Variants in RRM2 observed in about 807,000 individuals in gnomAD.
RRM2 encodes ribonucleotide reductase regulatory subunit M2, also known as ribonucleoside-diphosphate reductase subunit M2.
Under a neutral mutation model 45.9 loss-of-function variants are expected in RRM2, and 6 were observed. The observed-to-expected ratio is 0.13, with a 90% CI of 0.07 to 0.26. The LOEUF is 0.26. Among genes scored for constraint, RRM2 ranks in the 10% least tolerant of loss-of-function variants. RRM2 has a pLI of 1.00. For synonymous variants in RRM2, 177 were observed against 173.0 expected, an observed-to-expected ratio of 1.02 and a Z score of -0.18; for missense variants, 343 against 489.5, an observed-to-expected ratio of 0.70 and a Z score of 2.82.
At chr2:10,176,559 T>C (rs1256417003) in intron 3 of RRM2, among the ~76,000 whole-genome samples, 3 of 152,230 alleles carry the variant, frequency 2.0e-5, no homozygotes, top group Non-Finnish European at 4.4e-5. Flanking sequence ...TGAGCCATCG[T>C]CTACTTCTAA....
chr2:10,170,186 C>T (rs1206748874), intron 3 of RRM2, among the ~76,000 whole-genome samples: 2 of 152,128 alleles, frequency 1.3e-5, no homozygotes, highest in African/African-American at 4.8e-5. Context: ...CCTCTACCTT[C>T]CAGGATGACC....
rs1013694403 is a variant in RRM2, at chr2:10,169,797, G to T, written n.482+27422G>T. Among the ~76,000 whole-genome samples the T allele has an allele frequency of 2.0e-5, 3 of 152,196 alleles. No homozygotes were observed. In the East Asian group the frequency reaches 5.8e-4, roughly 29 times the overall value. ...GGAGCAGGAGGCTGAGGCCAGGGGG[G>T]ATGGCAGCCCCCGGGGATCTGAGGA... On this transcript the variant is annotated intron_variant and non_coding_transcript_variant, in intron 3 of 3. Coordinates refer to the RRM2 transcript ENST00000381786. This position sits in a 1 kb window ranked among gnomAD's most constrained non-coding sequence, Gnocchi z 5.1.
At chr2:10,147,275 G>GT (rs891663329) in intron 3 of RRM2, among the ~76,000 whole-genome samples, 16 of 151,140 alleles carry the variant, frequency 1.1e-4, no homozygotes, top group South Asian at 4.2e-4. Flanking sequence ...AAAGATAAGG[G>GT]TTTTTTTTTG....
At position 10,204,228 on chromosome 2, in the gene RRM2, G is replaced by A. The variant is rs1664624454; in HGVS notation, n.483-6083G>A. Among the ~76,000 whole-genome samples the A allele has an allele frequency of 6.6e-6, 1 of 152,098 alleles. No homozygotes were observed. The highest frequency in any genetic ancestry group is 2.1e-4 in the South Asian group (1 of 4,830). ...GTCCAACAGCAGAGCCCAACCTCCA[G>A]GGCAGACTGACCCGTGATGGGCATG... On this transcript the variant is annotated intron_variant and non_coding_transcript_variant, in intron 3 of 3. Transcript: ENST00000381786. The surrounding 1 kb of genome is among the most constrained non-coding windows in gnomAD (Gnocchi z 4.0).
chr2:10,210,491 C>T (rs370763653), exon 4 of RRM2: 1 of 1,367,838 alleles, frequency 7.3e-7, no homozygotes. Flanking sequence ...ACCAAGAATG[C>T]ACAGAGGGCG....
At position 10,205,056 on chromosome 2, in the gene RRM2, T is replaced by A. The variant is rs1293198974; in HGVS notation, n.483-5255T>A. 6.6e-6 allele frequency among the ~76,000 whole-genome samples: 1 copy of A among 152,216 alleles called. No homozygotes were observed. The highest frequency in any genetic ancestry group is 1.5e-5 in the Non-Finnish European group (1 of 68,040). ...GTGGTCTGCTTCGAATCCAGCAAAC[T>A]TTTGTTTTCAGTGCCCAGCTCCCTA... On this transcript the variant is annotated intron_variant and non_coding_transcript_variant, in intron 3 of 3. Transcript: ENST00000381786. The surrounding 1 kb of genome is among the most constrained non-coding windows in gnomAD (Gnocchi z 4.8).
chr2:10,126,765 T>C, intron 5 of RRM2, 110 bp from the exon 6 acceptor site: 1 of 759,758 alleles, frequency 1.3e-6, no homozygotes, highest in South Asian at 1.8e-5. Flanking sequence ...AGGAAGAGGA[T>C]TGGCAAATAC....
At chr2:10,141,788 G>A in intron 1 of RRM2, 1 of 1,546,298 alleles carries the variant, frequency 6.5e-7, no homozygotes, top group South Asian at 1.2e-5. Context: ...CTGGGGCTGG[G>A]GCTGGGGCTG....
chr2:10,181,678 T>C (rs1007338395), intron 3 of RRM2, among the ~76,000 whole-genome samples: 3 of 151,888 alleles, frequency 2.0e-5, no homozygotes, highest in African/African-American at 7.2e-5. Context: ...ATTGAAAATA[T>C]TTTCCGATTT....
chr2:10,142,594 C>T (rs749472796), intron 3 of RRM2, among the ~76,000 whole-genome samples: 2 of 152,022 alleles, frequency 1.3e-5, no homozygotes, highest in Admixed American at 6.5e-5. Flanking sequence ...CCAGACAGCA[C>T]GGTCCTGCGA....
intron 3 of RRM2, among the ~76,000 whole-genome samples, chr2:10,149,260 C>G (rs937971772): frequency 1.3e-5 from 2 of 152,124 alleles, no homozygotes; most frequent in African/African-American, 4.8e-5. Context: ...TCCCAGGTAG[C>G]TGGGATTACA....
chr2:10,156,731 T>C (rs1663433734), intron 3 of RRM2, among the ~76,000 whole-genome samples: 1 of 152,228 alleles, frequency 6.6e-6, no homozygotes, highest in African/African-American at 2.4e-5. Context: ...TTCCGCCTCC[T>C]GGGCTCAAGC....
intron 3 of RRM2, among the ~76,000 whole-genome samples, chr2:10,176,076 T>C (rs56804299): frequency 0.16 from 23,857 of 152,206 alleles, 2,285 homozygotes; most frequent in East Asian, 0.5. Context: ...TATTTCATTA[T>C]GGATATCATG....
intron 3 of RRM2, among the ~76,000 whole-genome samples, chr2:10,162,761 C>T (rs1476031940): frequency 6.8e-6 from 1 of 147,898 alleles, no homozygotes; most frequent in Non-Finnish European, 1.5e-5. Flanking sequence ...AGGGCGTTTG[C>T]CCTCTCTGGG....
chr2:10,204,557 A>T lies in RRM2; in HGVS notation n.483-5754A>T, dbSNP rs1185228847. Among the ~76,000 whole-genome samples, 1 of 152,198 alleles carries T rather than the reference A, an allele frequency of 6.6e-6. No homozygotes were observed. Among genetic ancestry groups the T allele is most frequent in the African/African-American group, 2.4e-5 (1 of 41,442 alleles). On this transcript the variant is annotated intron_variant and non_coding_transcript_variant, in intron 3 of 3. Transcript: ENST00000381786. This position sits in a 1 kb window ranked among gnomAD's most constrained non-coding sequence, Gnocchi z 4.0. ...GCCAGCCCTGCTCAGCGCTGTGCCC[A>T]GCCCTGGGTGCAGGGAGGTGCGGTT...
chr2:10,143,868 A>G (rs541668129), intron 3 of RRM2, among the ~76,000 whole-genome samples: 5 of 152,244 alleles, frequency 3.3e-5, no homozygotes, highest in African/African-American at 1.2e-4. Flanking sequence ...GGGTTTCACC[A>G]TGTTGGCCAG....
At chr2:10,190,652 G>T (rs925653117) in intron 3 of RRM2, among the ~76,000 whole-genome samples, 2 of 150,704 alleles carry the variant, frequency 1.3e-5, no homozygotes, top group South Asian at 4.3e-4. Context: ...TGGTGGGGTT[G>T]GTGGTGATGA....
chr2:10,176,908 T>C (rs1195419690), intron 3 of RRM2, among the ~76,000 whole-genome samples: 1 of 152,152 alleles, frequency 6.6e-6, no homozygotes, highest in Non-Finnish European at 1.5e-5. Context: ...AGGCAATTGT[T>C]TCACTTTAGT....
intron 3 of RRM2, among the ~76,000 whole-genome samples, chr2:10,175,242 T>C (rs1308303753): frequency 6.6e-6 from 1 of 152,212 alleles, no homozygotes. Flanking sequence ...ACTCACACTC[T>C]CTTCAGTAAC....
Sources: allele counts gnomAD v4.1 joint callset (sites outside exome capture counted in the v4.1 genomes callset), GRCh38; gene constraint gnomAD v4.1.1; non-coding constraint Gnocchi (gnomAD v3.1); transcripts MANE v1.5; gene names NCBI Gene and HGNC (gene_info 2026-07-23, HGNC 2026-07-21).